HSD17B2: variants seen among roughly 807,000 people sequenced by gnomAD.
HSD17B2 encodes the protein 17-beta-hydroxysteroid dehydrogenase type 2.
A neutral mutation model predicts 26.9 loss-of-function variants in HSD17B2; 32 were observed. The observed-to-expected ratio is 1.19, with a 90% CI of 0.90 to 1.60. HSD17B2 has a LOEUF of 1.60. HSD17B2 is among the 40% of genes most tolerant of loss of function. The pLI, the probability that HSD17B2 is intolerant of heterozygous loss-of-function variation, is 0.00. For missense variants in HSD17B2, 613 were observed against 468.6 expected, an observed-to-expected ratio of 1.31 and a Z score of -2.85; for synonymous variants, 246 against 186.7, an observed-to-expected ratio of 1.32 and a Z score of -2.59.
At chr16:82,072,595 A>G (rs547909976) in intron 3 of HSD17B2, among the ~76,000 whole-genome samples, 2 of 152,316 alleles carry the variant, frequency 1.3e-5, no homozygotes, top group Non-Finnish European at 2.9e-5. Context: ...AACTTTGAGC[A>G]ACACCTTCAC....
intron 3 of HSD17B2, among the ~76,000 whole-genome samples, chr16:82,074,283 A>G (rs1914763678): frequency 6.6e-6 from 1 of 152,188 alleles, no homozygotes; most frequent in Non-Finnish European, 1.5e-5. Context: ...AGATGTATGA[A>G]GTTTTCGTTC....
intron 4 of HSD17B2, chr16:82,092,271 C>A (rs1261750846): frequency 1.3e-5 from 2 of 152,118 alleles, no homozygotes; most frequent in Admixed American, 6.6e-5. Context: ...GACCCACCTC[C>A]CCTCCACCCC....
intron 1 of HSD17B2, among the ~76,000 whole-genome samples, chr16:82,064,533 A>C (rs537695141): frequency 6.6e-6 from 1 of 152,332 alleles, no homozygotes; most frequent in South Asian, 2.1e-4. Context: ...TAGGAGCAGA[A>C]TTGCTAGGTC....
intron 1 of HSD17B2, among the ~76,000 whole-genome samples, chr16:82,066,299 G>GC (rs770280617): frequency 5.9e-5 from 9 of 152,158 alleles, no homozygotes; most frequent in Non-Finnish European, 1.0e-4. Flanking sequence ...AGGAGATGGA[G>GC]CAAACGTTAA....
chr16:82,041,244 GTTAA>G (rs1913757629), intron 1 of HSD17B2, among the ~76,000 whole-genome samples: 1 of 152,204 alleles, frequency 6.6e-6, no homozygotes, highest in Non-Finnish European at 1.5e-5. Flanking sequence ...CTAACACAGT[GTTAA>G]TGAGCGAATG....
intron 3 of HSD17B2, among the ~76,000 whole-genome samples, chr16:82,072,938 G>A (rs529677674): frequency 1.5e-4 from 23 of 152,240 alleles, no homozygotes; most frequent in African/African-American, 4.8e-4. Context: ...TGTGGCATGT[G>A]CCTGTAGTCC....
At chr16:82,090,264 TG>T in intron 3 of HSD17B2, 1 of 622,882 alleles carries the variant, frequency 1.6e-6, no homozygotes. Flanking sequence ...GATCAGGGCC[TG>T]GTCGGTAGGT....
chr16:82,073,923 G>A lies in HSD17B2; in HGVS notation c.664+2796G>A, dbSNP rs8191193. Among the ~76,000 whole-genome samples the A allele has an allele frequency of 7.7e-3, 1,176 of 152,272 alleles. 4 individuals are homozygous for A. The highest frequency in any genetic ancestry group is 0.012 in the Non-Finnish European group (850 of 68,024). On this transcript the variant is annotated intron_variant, in intron 3 of 4. Coordinates refer to ENST00000199936, the MANE Select transcript of HSD17B2 (RefSeq NM_002153.3). Reference sequence around the variant, plus strand: ...CCACTAATCAAAAAGAACAAAGCTGGAGGCATCACACTACCTGAATTCAAA... The same window carrying A: ...CCACTAATCAAAAAGAACAAAGCTGAAGGCATCACACTACCTGAATTCAAA...
At chr16:82,085,576 T>TAA (rs59543299) in intron 3 of HSD17B2, among the ~76,000 whole-genome samples, 1 of 144,944 alleles carries the variant, frequency 6.9e-6, no homozygotes, top group Non-Finnish European at 1.5e-5. Flanking sequence ...AGGAGGGGCA[T>TAA]AAAAAAAAAA....
intron 2 of HSD17B2, among the ~76,000 whole-genome samples, chr16:82,069,606 T>A (rs545413961): frequency 5.3e-5 from 8 of 152,324 alleles, no homozygotes; most frequent in Non-Finnish European, 1.2e-4. Flanking sequence ...CAAATACAAA[T>A]GCTTCTGAGG....
intron 1 of HSD17B2, among the ~76,000 whole-genome samples, chr16:82,040,267 A>T (rs1468159550): frequency 6.6e-6 from 1 of 152,242 alleles, no homozygotes; most frequent in Non-Finnish European, 1.5e-5. Flanking sequence ...CATGGGTATC[A>T]TCTTGGGGTT....
At chr16:82,072,638 G>A (rs531803942) in intron 3 of HSD17B2, among the ~76,000 whole-genome samples, 1 of 152,278 alleles carries the variant, frequency 6.6e-6, no homozygotes, top group South Asian at 2.1e-4. Context: ...TTGCCAAAAT[G>A]TGCAGTATGT....
At position 82,063,979 on chromosome 16, in the gene HSD17B2, A is replaced by G. The variant is rs576652154; in HGVS notation, c.266-4191A>G. Among the ~76,000 whole-genome samples the G allele has an allele frequency of 2.6e-5, 4 of 152,326 alleles. No individual in the cohort carries two copies. In the South Asian group the frequency reaches 8.3e-4, roughly 32 times the overall value. ...AGGTAAACAAGTGGGGGCACCTATG[A>G]GTCTCATCTAAGTCATATGGGGAAG... On this transcript the variant is annotated intron_variant, in intron 1 of 4. Transcript: ENST00000199936.
At chr16:82,044,361 A>T (rs1023021586) in intron 1 of HSD17B2, 9 of 152,284 alleles carry the variant, frequency 5.9e-5, no homozygotes, top group African/African-American at 2.2e-4. Flanking sequence ...TATTCCTGAT[A>T]GATGCATTGG....
chr16:82,081,534 A>G (rs1286763550), intron 3 of HSD17B2, among the ~76,000 whole-genome samples: 2 of 152,146 alleles, frequency 1.3e-5, no homozygotes, highest in Admixed American at 1.3e-4. Context: ...CCGAGGTCCT[A>G]TAGCCTCTCT....
At chr16:82,085,961 A>AC (rs1267585091) in intron 3 of HSD17B2, among the ~76,000 whole-genome samples, 3 of 152,158 alleles carry the variant, frequency 2.0e-5, no homozygotes, top group Non-Finnish European at 2.9e-5. Context: ...ATAAAAAAAA[A>AC]ACACACAGAA....
chr16:82,051,051 A>T (rs576982167), intron 1 of HSD17B2, among the ~76,000 whole-genome samples: 1 of 152,324 alleles, frequency 6.6e-6, no homozygotes, highest in East Asian at 1.9e-4. Flanking sequence ...TTGAACAGGT[A>T]TTCTCTGTTC....
chr16:82,061,920 C>G (rs908104518), intron 1 of HSD17B2, among the ~76,000 whole-genome samples: 2 of 152,206 alleles, frequency 1.3e-5, no homozygotes, highest in Non-Finnish European at 2.9e-5. Flanking sequence ...GCACATGCAT[C>G]CCAGCACTCA....
intron 3 of HSD17B2, among the ~76,000 whole-genome samples, chr16:82,084,449 G>T (rs1348200920): frequency 2.0e-5 from 3 of 152,132 alleles, no homozygotes; most frequent in Admixed American, 1.3e-4. Context: ...GGTTTTGAGT[G>T]CTTAGCACAG....
Sources: gnomAD v4.1 joint callset for allele counts (sites outside exome capture counted in the v4.1 genomes callset) on GRCh38, gnomAD v4.1.1 for gene constraint, MANE v1.5 for transcripts, NCBI Gene and HGNC (gene_info 2026-07-23, HGNC 2026-07-21) for gene names.